The following DPM1 variants were observed in gnomAD, a reference collection of about 807,000 sequenced individuals.
The protein encoded by DPM1 is dolichol-phosphate mannosyltransferase subunit 1.
Under a neutral mutation model 39.0 loss-of-function variants are expected in DPM1, and 27 were observed. That is an observed-to-expected ratio of 0.69 (90% CI 0.51 to 0.95). The LOEUF (loss-of-function observed/expected upper bound fraction) is 0.95. DPM1 is among the 40% of genes least tolerant of loss of function. DPM1 has a pLI of 0.00. For missense variants in DPM1, 307 were observed against 315.6 expected, an observed-to-expected ratio of 0.97 and a Z score of 0.21; for synonymous variants, 124 against 109.0, an observed-to-expected ratio of 1.14 and a Z score of -0.86.
At chr20:50,940,033 AG>A (rs1446641388) in intron 7 of DPM1, among the ~76,000 whole-genome samples, 1 of 150,882 alleles carries the variant, frequency 6.6e-6, no homozygotes, top group Non-Finnish European at 1.5e-5. Flanking sequence ...TTTGCATTTT[AG>A]TTCTAGAGAG....
chr20:50,945,196 C>T (rs1191971857), intron 5 of DPM1: 1 of 153,916 alleles, frequency 6.5e-6, no homozygotes, highest in African/African-American at 2.4e-5. Flanking sequence ...CCACCTTTTT[C>T]TGTGGTCTGA....
intron 7 of DPM1, among the ~76,000 whole-genome samples, chr20:50,936,723 A>C (rs1985191730): frequency 6.6e-6 from 1 of 152,256 alleles, no homozygotes; most frequent in South Asian, 2.1e-4. Flanking sequence ...ATAAATGTTT[A>C]TGATGAGTTT....
intron 2 of DPM1, among the ~76,000 whole-genome samples, chr20:50,948,919 G>A (rs558727885): frequency 2.6e-5 from 4 of 151,046 alleles, no homozygotes; most frequent in Non-Finnish European, 5.9e-5. Flanking sequence ...GGAGTACAGT[G>A]GCGTGATCTC....
At chr20:50,935,291 G>GC (rs1193792308) in intron 8 of DPM1, 55 bp from the exon 9 acceptor site, 7 of 1,068,500 alleles carry the variant, frequency 6.6e-6, no homozygotes, top group Non-Finnish European at 1.0e-5. Flanking sequence ...AGGCAGCTTA[G>GC]CCGGTATACC....
chr20:50,943,941 C>T (rs1348722117), intron 5 of DPM1, among the ~76,000 whole-genome samples: 3 of 151,926 alleles, frequency 2.0e-5, no homozygotes, highest in Admixed American at 6.6e-5. Flanking sequence ...AGGGTTTCAC[C>T]GTGTTCACCA....
At chr20:50,957,164 G>A (rs1986869952) in intron 1 of DPM1, among the ~76,000 whole-genome samples, 1 of 152,148 alleles carries the variant, frequency 6.6e-6, no homozygotes, top group African/African-American at 2.4e-5. Flanking sequence ...GAGGGGCAAG[G>A]CATATGAAGG....
chr20:50,943,245 T>C (rs1986008463), intron 5 of DPM1, among the ~76,000 whole-genome samples: 1 of 152,234 alleles, frequency 6.6e-6, no homozygotes, highest in Admixed American at 6.5e-5. Flanking sequence ...TCCCATTCTT[T>C]TTAATAATTG....
At chr20:50,957,460 G>A (rs1287011872) in intron 1 of DPM1, among the ~76,000 whole-genome samples, 1 of 152,182 alleles carries the variant, frequency 6.6e-6, no homozygotes, top group Non-Finnish European at 1.5e-5. Context: ...TGCAATAAAG[G>A]AGCACCGCTA....
intron 5 of DPM1, chr20:50,944,635 TGG>T (rs892332226): frequency 6.6e-6 from 1 of 152,224 alleles, no homozygotes; most frequent in African/African-American, 2.4e-5. Context: ...TAGATGTTAG[TGG>T]GAACTCCCTG....
intron 6 of DPM1, among the ~76,000 whole-genome samples, chr20:50,941,395 T>C (rs1457116608): frequency 6.8e-6 from 1 of 146,112 alleles, no homozygotes; most frequent in Non-Finnish European, 1.5e-5. Flanking sequence ...CATATATATA[T>C]TCATATTATA....
intron 2 of DPM1, among the ~76,000 whole-genome samples, chr20:50,954,094 C>T (rs1986713621): frequency 3.9e-5 from 6 of 152,074 alleles, no homozygotes; most frequent in Admixed American, 3.9e-4. Flanking sequence ...CCACCAAGAC[C>T]TCATACAACT....
intron 1 of DPM1, among the ~76,000 whole-genome samples, chr20:50,956,242 A>C (rs1986814383): frequency 6.6e-6 from 1 of 152,206 alleles, no homozygotes; most frequent in African/African-American, 2.4e-5. Context: ...ACAAACCAAC[A>C]CAATACTTGG....
At chr20:50,949,913 A>G (rs1986490212) in intron 2 of DPM1, among the ~76,000 whole-genome samples, 1 of 152,190 alleles carries the variant, frequency 6.6e-6, no homozygotes. Context: ...TAAAAAATCC[A>G]TTCAGTCACT....
intron 7 of DPM1, 37 bp from the exon 8 acceptor site, chr20:50,936,299 A>G: frequency 8.2e-6 from 11 of 1,338,182 alleles, no homozygotes; most frequent in Non-Finnish European, 1.1e-5. Flanking sequence ...ACTTCTGGAT[A>G]AATACACATG....
intron 7 of DPM1, among the ~76,000 whole-genome samples, chr20:50,939,872 C>G (rs1359356461): frequency 6.6e-6 from 1 of 152,218 alleles, no homozygotes; most frequent in Admixed American, 6.5e-5. Context: ...CTCGGCCTCC[C>G]AAAGTGCTGG....
chr20:50,958,048 G>A (rs1388217116), intron 1 of DPM1, among the ~76,000 whole-genome samples: 2 of 152,190 alleles, frequency 1.3e-5, no homozygotes, highest in Non-Finnish European at 2.9e-5. Context: ...GGGAGGAGTG[G>A]GATCACGCTT....
intron 7 of DPM1, among the ~76,000 whole-genome samples, chr20:50,937,416 A>G (rs1199264678): frequency 1.3e-5 from 2 of 152,172 alleles, no homozygotes; most frequent in Non-Finnish European, 2.9e-5. Flanking sequence ...TATTTATTCA[A>G]TAATAAATAT....
intron 3 of DPM1, among the ~76,000 whole-genome samples, chr20:50,947,778 G>A (rs184398121): frequency 5.3e-5 from 8 of 152,148 alleles, no homozygotes; most frequent in South Asian, 2.1e-4. Context: ...ATAGATGCGC[G>A]TCACGACGCC....
Position 50,935,160 on chromosome 20 carries a change from C to G in DPM1, c.755G>C (p.Gly252Ala), listed in dbSNP as rs1985037302. ...GGNEIVSFLK[G>A]LLTLFATT ...TGTAGTAGCAAAAAGAGTCAATAATCCTTTCAAGAAAGATACTATTTCATT... is the reference window on the plus strand; with the variant it reads ...TGTAGTAGCAAAAAGAGTCAATAATGCTTTCAAGAAAGATACTATTTCATT... Residue 252 changes from glycine to alanine, a missense_variant, in exon 9 of 9, where the codon GGA (glycine) becomes GCA (alanine). By Grantham distance (60) the Gly-to-Ala change is moderately conservative. This residue lies in a region of DPM1 where 70 missense variants were observed against 69.4 expected (regional missense o/e 1.01). Transcript: ENST00000371588. 3.1e-6 allele frequency: 5 copies of G among 1,601,758 alleles called. No homozygotes were observed. In the East Asian group the frequency reaches 1.1e-4, roughly 36 times the overall value.
Sources: allele counts gnomAD v4.1 joint callset (sites outside exome capture counted in the v4.1 genomes callset), GRCh38; gene constraint gnomAD v4.1.1; regional missense constraint gnomAD v4.1.1; transcripts MANE v1.5; gene names NCBI Gene and HGNC (gene_info 2026-07-23, HGNC 2026-07-21).